The following NCKAP1 variants were observed in gnomAD, a reference collection of about 807,000 sequenced individuals.
The protein encoded by NCKAP1 is nck-associated protein 1.
NCKAP1 carries 21 observed loss-of-function variants against 151.2 expected under a neutral mutation model. That is an observed-to-expected ratio of 0.14 (90% CI 0.10 to 0.20). The LOEUF is 0.20. Among genes scored for constraint, NCKAP1 ranks in the 10% least tolerant of loss-of-function variants. The pLI, the probability that NCKAP1 is intolerant of heterozygous loss-of-function variation, is 1.00. For missense variants in NCKAP1, 933 were observed against 1,352.1 expected, an observed-to-expected ratio of 0.69 and a Z score of 4.86; for synonymous variants, 484 against 451.8, an observed-to-expected ratio of 1.07 and a Z score of -0.90.
rs1322797230 is a variant in NCKAP1 at position 182,913,164 on chromosome 2, C to T, written c.*12538G>A. 1.3e-5 allele frequency: 2 copies of T among 152,306 alleles called. No individual in the cohort carries two copies. The highest frequency in any genetic ancestry group is 6.8e-3 in the Middle Eastern group (2 of 294). The allele number at this position is 152,306 out of a possible 1,614,324, so 9.4% of individuals were successfully genotyped here. A position where few individuals can be genotyped will look rare whatever the true frequency, so the allele number is the denominator to read the frequency against. On this transcript the variant is annotated 3_prime_UTR_variant, in exon 31 of 31. Transcript: ENST00000361354. ...CTCCACTATATTATAAGCTCTGTGA[C>T]ATCAAGGACCAAATCTGGTTCATGT...
chr2:182,972,269 A>C (rs532053255), intron 15 of NCKAP1, among the ~76,000 whole-genome samples: 1 of 151,956 alleles, frequency 6.6e-6, no homozygotes. Flanking sequence ...AAAAATGGGC[A>C]AAAGAGCTAA....
Position 182,982,692 on chromosome 2 carries a change from T to C in NCKAP1, c.1208+129A>G, listed in dbSNP as rs780014089. 6.4e-6 allele frequency: 4 copies of C among 626,246 alleles called. No homozygotes were observed. The Admixed American group carries it at 9.7e-5, about 15-fold the overall frequency. 38.8% of individuals were successfully genotyped at this position (626,246 alleles called of 1,614,324 possible). ...GCTAAGCTCTAATGTTCAGTAATAA[T>C]AGGTGTACTAAATGAATTTCAACTT... On this transcript the variant is annotated intron_variant, in intron 12 of 30. Coordinates refer to ENST00000361354, the MANE Select transcript of NCKAP1 (RefSeq NM_013436.5).
chr2:183,020,695 T>G (rs1019392042), intron 2 of NCKAP1, among the ~76,000 whole-genome samples: 23 of 152,086 alleles, frequency 1.5e-4, no homozygotes, highest in Non-Finnish European at 3.1e-4. Context: ...AAGAAAAGAC[T>G]GATATCAATA....
chr2:182,973,806 T>C (rs963794435), intron 15 of NCKAP1, among the ~76,000 whole-genome samples: 4 of 152,186 alleles, frequency 2.6e-5, no homozygotes, highest in African/African-American at 7.2e-5. Flanking sequence ...AAAGTCTCTT[T>C]ACTTGCTCTT....
Position 182,976,961 on chromosome 2 carries a change from T to TAA in NCKAP1, c.1424-11_1424-10insTT. The TAA allele has an allele frequency of 6.9e-7, 1 of 1,459,014 alleles. No individual in the cohort carries two copies. The highest frequency in any genetic ancestry group is 9.2e-7 in the Non-Finnish European group (1 of 1,087,738). 90.4% of individuals were successfully genotyped at this position (1,459,014 alleles called of 1,614,324 possible). A position where few individuals can be genotyped will look rare whatever the true frequency, so the allele number is the denominator to read the frequency against. ...ACTTCCCCATCTTCAACTGTAGTAATAGAAAAAAAAAAAAGATTACAAAGC... is the reference window on the plus strand; with the variant it reads ...ACTTCCCCATCTTCAACTGTAGTAATAAAGAAAAAAAAAAAAGATTACAAAGC... On this transcript the variant is annotated splice_polypyrimidine_tract_variant and intron_variant, in intron 14 of 30. Transcript: ENST00000361354.
intron 2 of NCKAP1, among the ~76,000 whole-genome samples, chr2:183,016,587 A>G (rs971350698): frequency 2.6e-5 from 4 of 152,138 alleles, no homozygotes; most frequent in African/African-American, 9.7e-5. Context: ...ATGCTGTTAC[A>G]ACTCCCAGCA....
rs1697470243 is a variant in NCKAP1, at chr2:182,962,277, C to T, written c.1763G>A (p.Arg588Gln). Residue 588 changes from arginine to glutamine, a missense_variant and splice_region_variant, in exon 18 of 31, where the codon CGA becomes CAA. Arg to Gln is a conservative substitution (Grantham distance 43, BLOSUM62 1). Transcript: ENST00000361354. Reference sequence around the variant, plus strand: ...AAGACTGCGATCTCCAATATGATGTCGCTGTGAAGGCAGAATAATAATAAT... The same window carrying T: ...AAGACTGCGATCTCCAATATGATGTTGCTGTGAAGGCAGAATAATAATAAT... The part of the protein sequence containing the change: ...SCTHELCPEE[R>Q]HHIGDRSLSL... 2 of 1,602,192 alleles carry T rather than the reference C, an allele frequency of 1.2e-6. No homozygotes were observed. Among genetic ancestry groups the T allele is most frequent in the Non-Finnish European group, 1.7e-6 (2 of 1,172,570 alleles).
chr2:182,930,717 T>C lies in NCKAP1; in HGVS notation c.2931A>G (p.Val977=). ...TACCCGATTTTTGTGAAGAAAGAGC[T>C]ACGACCAATGCAGGATCAATCTCAC... ...LPCEIDPALV[V]ALSSQKSENI... is the part of the protein sequence containing the mutation. Residue 977 remains valine (V), a synonymous_variant, in exon 27 of 31, where the codon GTA becomes GTG. Transcript: ENST00000361354. 6.2e-7 allele frequency: 1 copy of C among 1,613,376 alleles called. No individual in the cohort carries two copies. Among genetic ancestry groups the C allele is most frequent in the Non-Finnish European group, 8.5e-7 (1 of 1,179,392 alleles).
chr2:182,929,100 G>T (rs1170861270), intron 27 of NCKAP1, among the ~76,000 whole-genome samples: 4 of 151,486 alleles, frequency 2.6e-5, no homozygotes, highest in African/African-American at 2.4e-5. Flanking sequence ...TATTACAATG[G>T]ACTATTATCA....
At chr2:183,005,486 TG>T (rs1698454765) in intron 2 of NCKAP1, among the ~76,000 whole-genome samples, 1 of 152,166 alleles carries the variant, frequency 6.6e-6, no homozygotes, top group East Asian at 1.9e-4. Context: ...GAGCCAAGAT[TG>T]GAAATCTCAT....
At chr2:182,932,743 T>C (rs1282551823) in intron 26 of NCKAP1, among the ~76,000 whole-genome samples, 1 of 152,124 alleles carries the variant, frequency 6.6e-6, no homozygotes, top group East Asian at 1.9e-4. Context: ...AAGTGAATGG[T>C]TGCTCAGAAT....
chr2:182,947,657 T>A (rs1479692167), intron 23 of NCKAP1, among the ~76,000 whole-genome samples: 1 of 152,204 alleles, frequency 6.6e-6, no homozygotes, highest in African/African-American at 2.4e-5. Context: ...GAGGTCTGAA[T>A]TACCTACCAA....
intron 7 of NCKAP1, among the ~76,000 whole-genome samples, chr2:182,995,389 T>G (rs761470232): frequency 1.3e-5 from 2 of 152,224 alleles, no homozygotes; most frequent in African/African-American, 4.8e-5. Context: ...TTGGTTCTAC[T>G]TGGTGAGATT....
intron 2 of NCKAP1, among the ~76,000 whole-genome samples, chr2:183,023,543 C>G (rs78207942): frequency 0.019 from 2,934 of 152,114 alleles, 87 homozygotes; most frequent in African/African-American, 0.063. Context: ...ATATCTATTA[C>G]CTTACTCTTG....
rs549529815 is a variant in NCKAP1, at chr2:182,989,859, G to A, written c.791-673C>T. Among the ~76,000 whole-genome samples the A allele has an allele frequency of 4.6e-4, 70 of 152,064 alleles. 1 individual carries two copies. The highest frequency in any genetic ancestry group is 1.5e-3 in the African/African-American group (61 of 41,478). ...TACTAAAAATACAAAAATTAGACAG[G>A]AGTGTTGGTGCGCCCAGCTATTCAG... On this transcript the variant is annotated intron_variant, in intron 8 of 30. Coordinates refer to ENST00000361354, the MANE Select transcript of NCKAP1 (RefSeq NM_013436.5).
At chr2:183,015,463 G>T (rs1173487970) in intron 2 of NCKAP1, among the ~76,000 whole-genome samples, 1 of 151,276 alleles carries the variant, frequency 6.6e-6, no homozygotes, top group East Asian at 1.9e-4. Context: ...AAGACAGAAG[G>T]TTAGAGGAAA....
At chr2:183,006,038 A>G (rs1481391882) in intron 2 of NCKAP1, among the ~76,000 whole-genome samples, 2 of 152,234 alleles carry the variant, frequency 1.3e-5, no homozygotes, top group Non-Finnish European at 2.9e-5. Flanking sequence ...ACAATTAGAC[A>G]GTGTACCAAA....
chr2:182,994,807 G>T (rs199906546), intron 8 of NCKAP1, 32 bp downstream of exon 8: 8 of 1,542,092 alleles, frequency 5.2e-6, no homozygotes, highest in Non-Finnish European at 7.2e-6. Context: ...AAAGCCTGGG[G>T]AGTAATCATA....
chr2:182,915,026 GTGTCCCCC>G lies in NCKAP1; in HGVS notation c.*10668_*10675del, dbSNP rs911041015. 7 of 152,182 alleles carry G rather than the reference GTGTCCCCC, an allele frequency of 4.6e-5. No homozygotes were observed. Among genetic ancestry groups the G allele is most frequent in the African/African-American group, 1.7e-4 (7 of 41,440 alleles). The allele number at this position is 152,182 out of a possible 1,614,324, so 9.4% of individuals were successfully genotyped here. A position where few individuals can be genotyped will look rare whatever the true frequency, so the allele number is the denominator to read the frequency against. On this transcript the variant is annotated 3_prime_UTR_variant, in exon 31 of 31. Transcript: ENST00000361354. ...GCATGTTGTGAGCACCTCTACCTGG[GTGTCCCCC>G]TAGGGCTACAGCTGCTCTCAAGGTC...
Sources: allele counts gnomAD v4.1 joint callset (sites outside exome capture counted in the v4.1 genomes callset), GRCh38; gene constraint gnomAD v4.1.1; transcripts MANE v1.5; gene names NCBI Gene and HGNC (gene_info 2026-07-23, HGNC 2026-07-21).